Variants in RASA3 observed in about 807,000 individuals in gnomAD.
RASA3 encodes RAS p21 protein activator 3.
Under a neutral mutation model 110.0 loss-of-function variants are expected in RASA3, and 73 were observed. That is an observed-to-expected ratio of 0.66 (90% CI 0.55 to 0.81). RASA3 has a LOEUF of 0.81. Among genes scored for constraint, RASA3 ranks in the 30% least tolerant of loss-of-function variants. The pLI, the probability that RASA3 is intolerant of heterozygous loss-of-function variation, is 0.00. For missense variants in RASA3, 976 were observed against 1,113.2 expected (o/e 0.88, Z 1.75); for synonymous variants, 500 against 451.4 (o/e 1.11, Z -1.37).
intron 22 of RASA3, among the ~76,000 whole-genome samples, chr13:113,982,640 G>A (rs958728159): frequency 2.0e-5 from 3 of 152,228 alleles, no homozygotes; most frequent in Admixed American, 6.5e-5. Context: ...CAGCACCGAT[G>A]CCCTGCAGCT....
At chr13:114,010,235 C>T (rs2297101) in intron 16 of RASA3, among the ~76,000 whole-genome samples, 28,901 of 151,966 alleles carry the variant, frequency 0.19, 2,957 homozygotes, top group African/African-American at 0.27. Flanking sequence ...GCCTCTGCTC[C>T]CCAAAGCCCT....
chr13:114,076,549 CACACACGCA>C (rs1364373096), intron 1 of RASA3, among the ~76,000 whole-genome samples: 5 of 151,876 alleles, frequency 3.3e-5, no homozygotes, highest in Non-Finnish European at 5.9e-5. Flanking sequence ...CAGCACCGCA[CACACACGCA>C]GCACACGCAG....
Position 114,032,807 on chromosome 13 carries a change from C to T in RASA3, c.373-2920G>A, listed in dbSNP as rs1196511278. On this transcript the variant is annotated intron_variant, in intron 4 of 23. Coordinates refer to ENST00000334062, the MANE Select transcript of RASA3 (RefSeq NM_007368.4). Reference sequence around the variant, plus strand: ...CTGACACCACGCCCCACGGCACCCCCACACTGACACCACGCCCCACGGCAC... The same window carrying T: ...CTGACACCACGCCCCACGGCACCCCTACACTGACACCACGCCCCACGGCAC... 6.6e-4 allele frequency among the ~76,000 whole-genome samples: 72 copies of T among 108,444 alleles called. 5 individuals carry two copies. In the South Asian group the frequency reaches 0.023, roughly 34 times the overall value. 71.1% of individuals were successfully genotyped at this position (108,444 alleles called of 152,430 possible). A position where few individuals can be genotyped will look rare whatever the true frequency, so the allele number is the denominator to read the frequency against.
At chr13:114,010,620 G>A (rs1330944660) in intron 16 of RASA3, among the ~76,000 whole-genome samples, 2 of 138,792 alleles carry the variant, frequency 1.4e-5, no homozygotes, top group African/African-American at 5.5e-5. Context: ...CACGTTGGGA[G>A]GAGGCGGCCG....
intron 1 of RASA3, among the ~76,000 whole-genome samples, chr13:114,120,856 G>A (rs1474770250): frequency 1.3e-5 from 2 of 152,224 alleles, no homozygotes; most frequent in Non-Finnish European, 2.9e-5. Context: ...AAGCACCAAT[G>A]TTTGTCCACC....
chr13:114,031,850 G>A lies in RASA3; in HGVS notation c.373-1963C>T, dbSNP rs182554863. 6.8e-4 allele frequency among the ~76,000 whole-genome samples: 103 copies of A among 152,272 alleles called. No homozygotes were observed. The East Asian group carries it at 9.7e-3, about 14-fold the overall frequency. ...CTGCCTGTGGGAGGGTGGGACAGAC[G>A]GGCAGAATGCCTGGCGCTAAGACGT... On this transcript the variant is annotated intron_variant, in intron 4 of 23. Coordinates refer to ENST00000334062, the MANE Select transcript of RASA3 (RefSeq NM_007368.4).
intron 14 of RASA3, among the ~76,000 whole-genome samples, chr13:114,013,886 CTCTCTCTTTTTCTCTCTTTCTCTG>C (rs1566478947): frequency 6.3e-4 from 18 of 28,754 alleles, no homozygotes; most frequent in African/African-American, 4.2e-3. Flanking sequence ...CTATCTCTGT[CTCTCTCTTTTTCTCTCTTTCTCTG>C]TCTCTCTCTC....
At chr13:114,130,842 G>A (rs2080508790) in intron 1 of RASA3, among the ~76,000 whole-genome samples, 1 of 151,966 alleles carries the variant, frequency 6.6e-6, no homozygotes, top group South Asian at 2.1e-4. Flanking sequence ...TCCTGCCCCC[G>A]TGACTGAGGA....
At chr13:114,008,268 C>A (rs1181356986) in intron 17 of RASA3, among the ~76,000 whole-genome samples, 1 of 65,886 alleles carries the variant, frequency 1.5e-5, no homozygotes, top group Admixed American at 1.4e-4. Flanking sequence ...ATATTCCCCC[C>A]ACGCACCGCG....
chr13:114,107,001 C>T (rs1566578662), intron 1 of RASA3, among the ~76,000 whole-genome samples: 1 of 152,260 alleles, frequency 6.6e-6, no homozygotes, highest in Non-Finnish European at 1.5e-5. Context: ...CAGGCCCCCC[C>T]AGAGCCACAT....
At chr13:114,102,509 A>G (rs2080072694) in intron 1 of RASA3, among the ~76,000 whole-genome samples, 1 of 152,144 alleles carries the variant, frequency 6.6e-6, no homozygotes, top group South Asian at 2.1e-4. Context: ...GACGGGCAGG[A>G]GGTGCGAGGG....
Position 114,052,177 on chromosome 13 carries a change from C to A in RASA3, c.174-22G>T, listed in dbSNP as rs201279549. 403 of 1,551,692 alleles carry A rather than the reference C, an allele frequency of 2.6e-4. No individual in the cohort carries two copies. In the African/African-American group the frequency reaches 5.0e-3, roughly 19 times the overall value. On this transcript the variant is annotated intron_variant, in intron 2 of 23. Transcript: ENST00000334062. ...CGGGCTAGTGAGACAAAGAAAAGCG[C>A]CAGTTAGAACACAGGCCACGCTTGC... is the stretch of plus-strand genomic sequence containing the variant.
intron 22 of RASA3, among the ~76,000 whole-genome samples, chr13:113,989,890 A>G (rs2053068098): frequency 6.6e-6 from 1 of 152,216 alleles, no homozygotes; most frequent in African/African-American, 2.4e-5. Flanking sequence ...GACACAGGTG[A>G]GCCCAGGTGA....
chr13:114,056,908 G>A lies in RASA3; in HGVS notation c.174-4753C>T, dbSNP rs1229012652. Among the ~76,000 whole-genome samples, 1 of 152,144 alleles carries A rather than the reference G, an allele frequency of 6.6e-6. No individual in the cohort carries two copies. The highest frequency in any genetic ancestry group is 2.4e-5 in the African/African-American group (1 of 41,426). The stretch of plus-strand genomic sequence containing the variant: ...CCACCCAGGAATTTCTCCAGCAATG[G>A]CTTTAGAACCTTGCTCCTGAATCGC... On this transcript the variant is annotated intron_variant, in intron 2 of 23. Transcript: ENST00000334062. This position sits in a 1 kb window ranked among gnomAD's most constrained non-coding sequence, Gnocchi z 5.7.
At chr13:114,042,919 T>C (rs2054444548) in intron 3 of RASA3, among the ~76,000 whole-genome samples, 1 of 152,214 alleles carries the variant, frequency 6.6e-6, no homozygotes, top group Admixed American at 6.5e-5. Context: ...AGGCCGGGGC[T>C]GCAGGGAGAG....
At chr13:114,098,126 T>C (rs1021996590) in intron 1 of RASA3, among the ~76,000 whole-genome samples, 12 of 151,832 alleles carry the variant, frequency 7.9e-5, no homozygotes, top group African/African-American at 2.9e-4. Flanking sequence ...AAACCCCAAG[T>C]CTGGGGGCTG....
At chr13:114,004,823 G>GT (rs1160718721) in intron 18 of RASA3, among the ~76,000 whole-genome samples, 3 of 152,186 alleles carry the variant, frequency 2.0e-5, no homozygotes, top group Non-Finnish European at 4.4e-5. Context: ...ACCTGCATGC[G>GT]TACGTTTACC....
At chr13:114,069,473 C>T (rs1156937863) in intron 2 of RASA3, among the ~76,000 whole-genome samples, 3 of 51,772 alleles carry the variant, frequency 5.8e-5, no homozygotes, top group Admixed American at 2.8e-4. Flanking sequence ...CTGGGAGACT[C>T]GGGGGCCGGG....
At chr13:114,005,500 T>A (rs1227873719) in intron 18 of RASA3, among the ~76,000 whole-genome samples, 5 of 147,760 alleles carry the variant, frequency 3.4e-5, no homozygotes, top group African/African-American at 7.5e-5. Flanking sequence ...GGCAGAGGGG[T>A]CCCAGGCTGA....
Sources: gnomAD v4.1 joint callset for allele counts (sites outside exome capture counted in the v4.1 genomes callset) on GRCh38, gnomAD v4.1.1 for gene constraint, Gnocchi (gnomAD v3.1) non-coding constraint, MANE v1.5 for transcripts, NCBI Gene and HGNC (gene_info 2026-07-23, HGNC 2026-07-21) for gene names.